The following RBFOX1 variants were observed in gnomAD, a reference collection of about 807,000 sequenced individuals.
RBFOX1 encodes RNA binding fox-1 homolog 1, also known as RNA binding protein fox-1 homolog 1.
In RBFOX1, 8 loss-of-function variants were observed where a neutral mutation model predicts 57.7. The observed-to-expected ratio is 0.14, with a 90% CI of 0.08 to 0.25. RBFOX1 has a LOEUF of 0.25. RBFOX1 is among the 10% of genes least tolerant of loss of function. The pLI is 1.00. For missense variants in RBFOX1, 611 were observed against 548.5 expected (o/e 1.11, Z -1.14); for synonymous variants, 326 against 222.4 (o/e 1.47, Z -4.15).
intron 3 of RBFOX1, among the ~76,000 whole-genome samples, chr16:6,872,754 A>C (rs2061158494): frequency 6.6e-6 from 1 of 152,292 alleles, no homozygotes; most frequent in Admixed American, 6.5e-5. Context: ...CAGGAGTTAA[A>C]AGTGCAAAAA....
chr16:6,247,887 C>G (rs1206342142), intron 1 of RBFOX1, among the ~76,000 whole-genome samples: 1 of 152,180 alleles, frequency 6.6e-6, no homozygotes, highest in Non-Finnish European at 1.5e-5. Flanking sequence ...TTGTCATAAG[C>G]TCCAGTCACT....
chr16:5,362,990 C>T lies in RBFOX1; in HGVS notation c.220-104226C>T, dbSNP rs552222770. ...CTATTGTGTATAATGCCGTAGTAAA[C>T]ATGGGAGTGCAAATATCTCTTTGAG... On this transcript the variant is annotated intron_variant, in intron 1 of 2. Coordinates refer to the RBFOX1 transcript ENST00000585867. Among the ~76,000 whole-genome samples the T allele has an allele frequency of 5.4e-5, 8 of 149,128 alleles. No individual in the cohort carries two copies. The South Asian group carries it at 1.3e-3, about 24-fold the overall frequency.
chr16:5,984,202 C>T (rs1488200606), intron 4 of RBFOX1, among the ~76,000 whole-genome samples: 1 of 121,046 alleles, frequency 8.3e-6, no homozygotes, highest in Non-Finnish European at 1.7e-5. Flanking sequence ...CCTTCCCCTC[C>T]CCCTTCTTCT....
intron 4 of RBFOX1, among the ~76,000 whole-genome samples, chr16:7,199,892 C>G (rs1201371880): frequency 6.6e-6 from 1 of 150,384 alleles, no homozygotes; most frequent in Non-Finnish European, 1.5e-5. Flanking sequence ...AAGACTCTAT[C>G]TCAAAAAAAC....
intron 4 of RBFOX1, among the ~76,000 whole-genome samples, chr16:7,122,632 C>G (rs548190672): frequency 6.6e-6 from 1 of 152,076 alleles, no homozygotes; most frequent in Non-Finnish European, 1.5e-5. Flanking sequence ...GAACATAGAA[C>G]AATGCAGACA....
chr16:6,296,795 G>C (rs1009811598), intron 1 of RBFOX1, among the ~76,000 whole-genome samples: 3 of 152,178 alleles, frequency 2.0e-5, no homozygotes, highest in Non-Finnish European at 2.9e-5. Flanking sequence ...CTTGCCAGAG[G>C]AAGTCCATGC....
chr16:7,150,770 C>G (rs12448079), intron 4 of RBFOX1, among the ~76,000 whole-genome samples: 49,414 of 152,068 alleles, frequency 0.32, 9,842 homozygotes, highest in South Asian at 0.46. Flanking sequence ...GCAGTGTTCA[C>G]TGCAGCATTT....
At chr16:7,048,026 C>T (rs1334447069) in intron 3 of RBFOX1, among the ~76,000 whole-genome samples, 1 of 151,468 alleles carries the variant, frequency 6.6e-6, no homozygotes, top group African/African-American at 2.4e-5. Context: ...ATAAAGGTGC[C>T]TGCCACAACG....
chr16:7,004,097 T>C (rs2093085191), intron 3 of RBFOX1: 1 of 152,052 alleles, frequency 6.6e-6, no homozygotes, highest in African/African-American at 2.4e-5. Context: ...AGTATATGTG[T>C]TGCCAATGTG....
At chr16:7,406,402 C>G (rs768519108) in intron 4 of RBFOX1, among the ~76,000 whole-genome samples, 3 of 152,174 alleles carry the variant, frequency 2.0e-5, no homozygotes, top group Admixed American at 1.3e-4. Flanking sequence ...TACCTGGCTA[C>G]TACGTATGGG....
At position 7,005,838 on chromosome 16, in the gene RBFOX1, G is replaced by T. The variant is rs192655470; in HGVS notation, c.-15-46219G>T. Among the ~76,000 whole-genome samples, 244 of 152,236 alleles carry T rather than the reference G, an allele frequency of 1.6e-3. 1 individual carries two copies. Among genetic ancestry groups the T allele is most frequent in the African/African-American group, 5.5e-3 (227 of 41,534 alleles). On this transcript the variant is annotated intron_variant, in intron 3 of 15. Coordinates refer to ENST00000550418, the MANE Select transcript of RBFOX1 (RefSeq NM_018723.4). ...CATGAGTGACTGCTGCTTCTTCACC[G>T]ACTACAGCTTTCGCTTCACTAAATT...
At chr16:5,342,677 C>T (rs1193539768) in intron 1 of RBFOX1, among the ~76,000 whole-genome samples, 3 of 152,144 alleles carry the variant, frequency 2.0e-5, no homozygotes, top group African/African-American at 7.2e-5. Flanking sequence ...TCTTAGACTG[C>T]ATTGTGAAGG....
At chr16:5,698,588 A>T (rs1203310995) in intron 3 of RBFOX1, among the ~76,000 whole-genome samples, 1 of 152,126 alleles carries the variant, frequency 6.6e-6, no homozygotes, top group African/African-American at 2.4e-5. Flanking sequence ...CAGCACTTCC[A>T]CTCCTGAGTA....
chr16:5,305,988 T>G (rs1314025951), intron 1 of RBFOX1, among the ~76,000 whole-genome samples: 2 of 152,136 alleles, frequency 1.3e-5, no homozygotes, highest in Non-Finnish European at 2.9e-5. Flanking sequence ...GTCCAGTAGT[T>G]TGAGACCAAC....
At chr16:5,242,575 C>T (rs2062194843) in intron 1 of RBFOX1, among the ~76,000 whole-genome samples, 2 of 152,250 alleles carry the variant, frequency 1.3e-5, no homozygotes, top group South Asian at 2.1e-4. Context: ...GAGGAGAACC[C>T]GTTTCTTCAC....
chr16:7,355,398 G>A lies in RBFOX1; in HGVS notation c.28-162749G>A, dbSNP rs535561198. On this transcript the variant is annotated intron_variant, in intron 4 of 15. Coordinates refer to ENST00000550418, the MANE Select transcript of RBFOX1 (RefSeq NM_018723.4). Reference sequence around the variant, plus strand: ...AGTAAAGTTTGTGGCTCTGCCTACTGCCCCCTTTCTCCTGTCCTACCTCCC... The same window carrying A: ...AGTAAAGTTTGTGGCTCTGCCTACTACCCCCTTTCTCCTGTCCTACCTCCC... 5.9e-5 allele frequency among the ~76,000 whole-genome samples: 9 copies of A among 152,232 alleles called. No homozygotes were observed. In the South Asian group the frequency reaches 1.9e-3, roughly 32 times the overall value.
intron 4 of RBFOX1, among the ~76,000 whole-genome samples, chr16:7,354,373 T>A (rs887523785): frequency 6.6e-6 from 1 of 152,214 alleles, no homozygotes; most frequent in Non-Finnish European, 1.5e-5. Flanking sequence ...CTATTACCTG[T>A]GTTTGTTGAA....
At chr16:7,279,749 T>C (rs140079666) in intron 4 of RBFOX1, among the ~76,000 whole-genome samples, 176 of 152,282 alleles carry the variant, frequency 1.2e-3, no homozygotes, top group Non-Finnish European at 2.1e-3. Flanking sequence ...CCTGAATGAG[T>C]GCTTCTCTGG....
At chr16:7,290,099 T>A (rs961810282) in intron 4 of RBFOX1, among the ~76,000 whole-genome samples, 1 of 152,212 alleles carries the variant, frequency 6.6e-6, no homozygotes, top group African/African-American at 2.4e-5. Flanking sequence ...TTTACACCGG[T>A]AGAAACCATT....
Sources: gnomAD v4.1 joint callset for allele counts (sites outside exome capture counted in the v4.1 genomes callset) on GRCh38, gnomAD v4.1.1 for gene constraint, MANE v1.5 for transcripts, NCBI Gene and HGNC (gene_info 2026-07-23, HGNC 2026-07-21) for gene names.